Variants in RNF130 observed in about 807,000 individuals in gnomAD.
The protein encoded by RNF130 is E3 ubiquitin-protein ligase RNF130.
A neutral mutation model predicts 44.6 loss-of-function variants in RNF130; 21 were observed. The observed-to-expected ratio is 0.47, with a 90% CI of 0.33 to 0.68. The LOEUF (loss-of-function observed/expected upper bound fraction) is 0.68. Among genes scored for constraint, RNF130 ranks in the 30% least tolerant of loss-of-function variants. The probability of loss-of-function intolerance (pLI) is 0.02; values close to 1 mark genes in which losing one functional copy is unlikely to be tolerated. For synonymous variants in RNF130, 214 were observed against 210.4 expected, an observed-to-expected ratio of 1.02 and a Z score of -0.15; for missense variants, 479 against 560.6, an observed-to-expected ratio of 0.85 and a Z score of 1.47.
At position 180,040,604 on chromosome 5, in the gene RNF130, G is replaced by T. The variant is rs144172235; in HGVS notation, c.291C>A (p.Val97=). The change falls in exon 2 of 9, where the codon GTC becomes GTA. Residue 97 remains valine (V), a synonymous_variant. Coordinates refer to ENST00000521389, the MANE Select transcript of RNF130 (RefSeq NM_018434.6). ...LGCDPQTRFF[V]PPNIKQWIAL... is the part of the protein sequence containing the mutation. ...CAATCCACTGTTTGATATTAGGAGGGACAAAGAACCGGGTTTGTGGATCAC... is the reference window on the plus strand; with the variant it reads ...CAATCCACTGTTTGATATTAGGAGGTACAAAGAACCGGGTTTGTGGATCAC... 5.0e-6 allele frequency: 8 copies of T among 1,614,126 alleles called. No homozygotes were observed. The South Asian group carries it at 8.8e-5, about 18-fold the overall frequency.
chr5:180,038,679 C>T (rs1457240078), intron 2 of RNF130, among the ~76,000 whole-genome samples: 1 of 152,020 alleles, frequency 6.6e-6, no homozygotes, highest in South Asian at 2.1e-4. Context: ...TTGATACAGG[C>T]TTCCCATCCT....
chr5:180,034,553 T>C (rs1037311142), intron 2 of RNF130, among the ~76,000 whole-genome samples: 4 of 151,888 alleles, frequency 2.6e-5, no homozygotes, highest in African/African-American at 9.7e-5. Flanking sequence ...TATTTTTTCT[T>C]GAGTCAATTC....
chr5:179,925,816 A>G (rs1761700096), intron 7 of RNF130, among the ~76,000 whole-genome samples: 1 of 152,206 alleles, frequency 6.6e-6, no homozygotes. Flanking sequence ...TACCTACGTG[A>G]GTCACCACAC....
chr5:179,962,132 GA>G (rs1427225388), intron 8 of RNF130, among the ~76,000 whole-genome samples: 7 of 152,200 alleles, frequency 4.6e-5, no homozygotes, highest in Admixed American at 2.0e-4. Context: ...CATGCTGAAG[GA>G]AAACTGCCTG....
intron 1 of RNF130, among the ~76,000 whole-genome samples, chr5:180,046,583 G>C (rs188637675): frequency 6.6e-6 from 1 of 152,320 alleles, no homozygotes; most frequent in East Asian, 1.9e-4. Context: ...TTTTTCTGCA[G>C]TGATGGTCAA....
At position 179,965,961 on chromosome 5, in the gene RNF130, G is replaced by A. The variant is rs115481256; in HGVS notation, c.1150+845C>T. ...GGTCCCACGAGCCTCAGGGCGTGAC[G>A]TGCTAGGCAAGCAGCAGCAGGTGCT... On this transcript the variant is annotated intron_variant, in intron 7 of 8. Transcript: ENST00000521389. Among the ~76,000 whole-genome samples the A allele has an allele frequency of 2.6e-3, 401 of 152,304 alleles. 1 individual carries two copies. Among genetic ancestry groups the A allele is most frequent in the African/African-American group, 9.3e-3 (385 of 41,576 alleles).
intron 2 of RNF130, among the ~76,000 whole-genome samples, chr5:180,036,664 G>A (rs528575731): frequency 1.7e-3 from 254 of 152,134 alleles, no homozygotes; most frequent in Non-Finnish European, 2.8e-3. Context: ...TGCTTTTTTG[G>A]AAGAGGATTT....
intron 1 of RNF130, among the ~76,000 whole-genome samples, chr5:180,057,378 A>G (rs1183208606): frequency 6.6e-6 from 1 of 152,162 alleles, no homozygotes; most frequent in Non-Finnish European, 1.5e-5. Context: ...GTGAAACCCC[A>G]TCTCTACTAA....
chr5:180,024,171 A>T (rs1012409172), intron 2 of RNF130, among the ~76,000 whole-genome samples: 1 of 152,242 alleles, frequency 6.6e-6, no homozygotes, highest in African/African-American at 2.4e-5. Context: ...CTAAAAAAGT[A>T]TCACAGCCAA....
chr5:179,932,984 G>A (rs556715798), intron 7 of RNF130, among the ~76,000 whole-genome samples: 21 of 152,220 alleles, frequency 1.4e-4, no homozygotes, highest in South Asian at 6.2e-4. Flanking sequence ...CCATTATCAG[G>A]AATGAAAAAG....
At chr5:180,062,477 A>AT (rs2113184000) in intron 1 of RNF130, among the ~76,000 whole-genome samples, 1 of 152,280 alleles carries the variant, frequency 6.6e-6, no homozygotes, top group African/African-American at 2.4e-5. Context: ...GAGCTTCAAC[A>AT]TATGAATTTG....
At chr5:179,983,145 T>C (rs1762875886) in intron 3 of RNF130, among the ~76,000 whole-genome samples, 1 of 152,218 alleles carries the variant, frequency 6.6e-6, no homozygotes, top group Non-Finnish European at 1.5e-5. Context: ...TTATGGCAGT[T>C]TTTAATTTGA....
At chr5:180,021,042 C>CGCAATCTCAACTCACT (rs61092349) in intron 2 of RNF130, among the ~76,000 whole-genome samples, 1 of 151,198 alleles carries the variant, frequency 6.6e-6, no homozygotes, top group African/African-American at 2.4e-5. Context: ...AGTGCAGTGG[C>CGCAATCTCAACTCACT]GCAATCTCTG....
chr5:179,929,193 G>A (rs753244767), intron 7 of RNF130, among the ~76,000 whole-genome samples: 10 of 152,124 alleles, frequency 6.6e-5, no homozygotes, highest in East Asian at 1.9e-4. Context: ...AATATTCAGT[G>A]GAGCCAGCAC....
intron 2 of RNF130, among the ~76,000 whole-genome samples, chr5:180,033,301 C>T (rs1273313244): frequency 6.6e-6 from 1 of 152,138 alleles, no homozygotes; most frequent in Non-Finnish European, 1.5e-5. Flanking sequence ...TTGAATTTCT[C>T]TCAGTAATGT....
rs1762192425 is a variant in RNF130, at chr5:179,955,480, TTTTTA to T, written c.*169_*173del. ...GTTAATAAGACTCAACAGCACAGAC[TTTTTA>T]TTTTATTATTTATTTCTTTTAATAC... On this transcript the variant is annotated 3_prime_UTR_variant, in exon 9 of 9. Coordinates refer to ENST00000521389, the MANE Select transcript of RNF130 (RefSeq NM_018434.6). 1.8e-6 allele frequency: 1 copy of T among 550,766 alleles called. No homozygotes were observed. The highest frequency in any genetic ancestry group is 3.1e-6 in the Non-Finnish European group (1 of 318,264). 34.1% of individuals were successfully genotyped at this position (550,766 alleles called of 1,614,324 possible).
chr5:180,031,601 T>A (rs1764132502), intron 2 of RNF130, among the ~76,000 whole-genome samples: 1 of 152,244 alleles, frequency 6.6e-6, no homozygotes, highest in South Asian at 2.1e-4. Flanking sequence ...CTGTAATTGC[T>A]AAACTATATT....
intron 7 of RNF130, among the ~76,000 whole-genome samples, chr5:179,937,578 A>G (rs1370009037): frequency 1.3e-5 from 2 of 152,232 alleles, no homozygotes; most frequent in East Asian, 1.9e-4. Flanking sequence ...GAGGTAGCAA[A>G]TCAGAACCCT....
At chr5:179,962,988 C>G (rs1319728854) in intron 8 of RNF130, among the ~76,000 whole-genome samples, 1 of 152,230 alleles carries the variant, frequency 6.6e-6, no homozygotes, top group East Asian at 1.9e-4. Context: ...CATCTGGAAA[C>G]AGCGGGTCTT....
Sources: gnomAD v4.1 joint callset for allele counts (sites outside exome capture counted in the v4.1 genomes callset) on GRCh38, gnomAD v4.1.1 for gene constraint, MANE v1.5 for transcripts, NCBI Gene and HGNC (gene_info 2026-07-23, HGNC 2026-07-21) for gene names.